The following FANCB variants were observed in gnomAD, a reference collection of about 807,000 sequenced individuals.
The protein encoded by FANCB is Fanconi anemia group B protein.
Under a neutral mutation model 38.9 loss-of-function variants are expected in FANCB, and 5 were observed. The observed-to-expected ratio is 0.13, with a 90% CI of 0.07 to 0.27. The LOEUF is 0.27. Ranked by LOEUF, FANCB falls within the 10% of genes least tolerant of loss-of-function variation. FANCB has a pLI of 1.00. For missense variants in FANCB, 573 were observed against 602.7 expected (o/e 0.95, Z 0.52); for synonymous variants, 236 against 215.4 (o/e 1.10, Z -0.84).
the FANCB span, among the ~76,000 whole-genome samples, chrX:14,733,888 A>G: frequency 8.9e-6 from 1 of 112,057 alleles, no homozygotes; most frequent in Non-Finnish European, 1.9e-5. Context: ...CCTTGGCCAG[A>G]ACTTCCAATA....
downstream of FANCB, among the ~76,000 whole-genome samples, chrX:14,835,533 C>A (rs2092338927): frequency 8.9e-6 from 1 of 111,935 alleles, no homozygotes; most frequent in South Asian, 3.7e-4. Context: ...GATTACCATG[C>A]CCAACTCTCA....
At chrX:14,737,321 A>G in the FANCB span, among the ~76,000 whole-genome samples, 5 of 112,022 alleles carry the variant, frequency 4.5e-5, no homozygotes, top group African/African-American at 1.6e-4. Context: ...ATTCGTGTTG[A>G]CTCCTGTAGA....
chrX:14,859,422 T>C (rs2092437188), intron 3 of FANCB, 88 bp from the exon 4 acceptor site: 2 of 662,510 alleles, frequency 3.0e-6, no homozygotes, highest in South Asian at 2.6e-5. Flanking sequence ...TTCATGTAGT[T>C]GTCATTTGTA....
chrX:14,708,702 C>T, the FANCB span, among the ~76,000 whole-genome samples: 1 of 111,463 alleles, frequency 9.0e-6, no homozygotes, highest in Non-Finnish European at 1.9e-5. Flanking sequence ...TTTGGGAGGC[C>T]GAGGTGGGCG....
At chrX:14,792,087 T>C in the FANCB span, among the ~76,000 whole-genome samples, 1 of 111,555 alleles carries the variant, frequency 9.0e-6, no homozygotes, top group East Asian at 2.8e-4. Context: ...CTTTAAAAGT[T>C]ATAATGAATT....
chrX:14,864,608 T>C lies in FANCB; in HGVS notation c.903A>G (p.Val301=). 8.3e-7 allele frequency: 1 copy of C among 1,207,008 alleles called. No homozygotes were observed. The highest frequency in any genetic ancestry group is 1.1e-6 in the Non-Finnish European group (1 of 891,103). ...CACAAGCATTATTGGATATAAAGGATACAACGAAAAAGAGGTTTCCTCCAC... is the reference window on the plus strand; with the variant it reads ...CACAAGCATTATTGGATATAAAGGACACAACGAAAAAGAGGTTTCCTCCAC... ...DSGGGNLFFV[V]SFISNNACAV... Residue 301 remains valine, a synonymous_variant, in exon 3 of 10, where the codon GTA becomes GTG. Coordinates refer to ENST00000650831, the MANE Select transcript of FANCB (RefSeq NM_001018113.3).
chrX:14,765,697 T>A, the FANCB span, among the ~76,000 whole-genome samples: 1 of 111,973 alleles, frequency 8.9e-6, no homozygotes, highest in South Asian at 3.7e-4. Flanking sequence ...GCCTGACAGC[T>A]TGATTCAGCC....
chrX:14,797,354 A>C, the FANCB span, among the ~76,000 whole-genome samples: 3,038 of 111,724 alleles, frequency 0.027, 98 homozygotes, highest in African/African-American at 0.094. Flanking sequence ...AGTTTTGGAA[A>C]TCACACACAG....
Position 14,843,503 on chromosome X carries a change from T to A in FANCB, c.*64A>T. ...TTTTACAAAGGAGGCATATAGCAAG[T>A]AGAACCAAAATCTTATATGGTGGTG... On this transcript the variant is annotated 3_prime_UTR_variant, in exon 10 of 10. Coordinates refer to ENST00000650831, the MANE Select transcript of FANCB (RefSeq NM_001018113.3). 1.1e-6 allele frequency: 1 copy of A among 874,708 alleles called. No individual in the cohort carries two copies. The allele number at this position is 874,708 out of a possible 1,213,427, so 72.1% of individuals were successfully genotyped here. A position where few individuals can be genotyped will look rare whatever the true frequency, so the allele number is the denominator to read the frequency against.
chrX:14,739,981 C>T, the FANCB span, among the ~76,000 whole-genome samples: 888 of 111,354 alleles, frequency 8.0e-3, 11 homozygotes, highest in African/African-American at 0.028. Context: ...AAGTGTGTAC[C>T]ACACTGGCCC....
chrX:14,863,568 T>G (rs1174485512), intron 3 of FANCB, among the ~76,000 whole-genome samples: 1 of 112,301 alleles, frequency 8.9e-6, no homozygotes, highest in Non-Finnish European at 1.9e-5. Flanking sequence ...TGGTTTTCTG[T>G]GCCTTTTTAC....
At chrX:14,698,939 A>G in the FANCB span, among the ~76,000 whole-genome samples, 2 of 111,244 alleles carry the variant, frequency 1.8e-5, no homozygotes, top group African/African-American at 6.5e-5. Flanking sequence ...TGAGCAATCA[A>G]GTTATCAAAT....
chrX:14,811,896 T>C, the FANCB span, among the ~76,000 whole-genome samples: 2 of 111,576 alleles, frequency 1.8e-5, no homozygotes, highest in Non-Finnish European at 3.8e-5. Flanking sequence ...TATTCCAAAA[T>C]TGACCACATA....
At chrX:14,780,536 C>T in the FANCB span, among the ~76,000 whole-genome samples, 16 of 110,922 alleles carry the variant, frequency 1.4e-4, 1 homozygote, top group African/African-American at 5.1e-4. Flanking sequence ...TCAGTCTATA[C>T]TTGATTAACA....
the FANCB span, among the ~76,000 whole-genome samples, chrX:14,744,484 A>G: frequency 1.8e-5 from 2 of 112,260 alleles, no homozygotes; most frequent in East Asian, 5.6e-4. Flanking sequence ...TAATATTATA[A>G]AATATTCTCA....
chrX:14,804,473 A>G, the FANCB span, among the ~76,000 whole-genome samples: 2 of 110,538 alleles, frequency 1.8e-5, no homozygotes, highest in East Asian at 5.7e-4. Flanking sequence ...ATCACACACC[A>G]GGGCCTGTTG....
the FANCB span, among the ~76,000 whole-genome samples, chrX:14,749,999 A>T: frequency 8.9e-6 from 1 of 112,374 alleles, no homozygotes; most frequent in Non-Finnish European, 1.9e-5. Flanking sequence ...CTTTACAAAG[A>T]GCAAAGAGTT....
the FANCB span, among the ~76,000 whole-genome samples, chrX:14,765,902 G>GA: frequency 8.9e-6 from 1 of 111,863 alleles, no homozygotes; most frequent in Admixed American, 9.5e-5. Flanking sequence ...GAGAAGAAAG[G>GA]AAAAATGGGT....
downstream of FANCB, among the ~76,000 whole-genome samples, chrX:14,840,544 A>G (rs185223962): frequency 1.8e-5 from 2 of 112,206 alleles, no homozygotes; most frequent in Admixed American, 1.9e-4. Context: ...TTCCCTGGAC[A>G]AAACGAGAGT....
Sources: allele counts gnomAD v4.1 joint callset (sites outside exome capture counted in the v4.1 genomes callset), GRCh38; gene constraint gnomAD v4.1.1; transcripts MANE v1.5; gene names NCBI Gene and HGNC (gene_info 2026-07-23, HGNC 2026-07-21).